CD59: variants seen among roughly 807,000 people sequenced by gnomAD.
The protein encoded by CD59 is CD59 molecule (CD59 blood group), also known as CD59 glycoprotein.
Under a neutral mutation model 7.0 loss-of-function variants are expected in CD59, and 3 were observed. The observed-to-expected ratio is 0.43, with a 90% CI of 0.19 to 1.10. CD59 has a LOEUF of 1.10. Ranked by LOEUF, CD59 falls within the 50% of genes least tolerant of loss-of-function variation. CD59 has a pLI of 0.29. For synonymous variants in CD59, 60 were observed against 62.0 expected, an observed-to-expected ratio of 0.97 and a Z score of 0.15; for missense variants, 143 against 151.0, an observed-to-expected ratio of 0.95 and a Z score of 0.28.
At chr11:33,721,497 TCCC>T (rs1350345364) in intron 2 of CD59, among the ~76,000 whole-genome samples, 3 of 151,912 alleles carry the variant, frequency 2.0e-5, no homozygotes, top group Non-Finnish European at 4.4e-5. Context: ...TCTTTTCTGC[TCCC>T]CCCACCAACC....
At chr11:33,722,261 G>A (rs751784058) in intron 2 of CD59, 118 bp downstream of exon 2, 5 of 777,634 alleles carry the variant, frequency 6.4e-6, no homozygotes, top group Non-Finnish European at 1.2e-5. Flanking sequence ...CTGTAACACT[G>A]GAAGGCAAAA....
At chr11:33,713,395 C>A (rs754020796) in intron 3 of CD59, among the ~76,000 whole-genome samples, 1 of 152,222 alleles carries the variant, frequency 6.6e-6, no homozygotes, top group Non-Finnish European at 1.5e-5. Context: ...CCATGCAGAG[C>A]TTGGAACACA....
Position 33,722,398 on chromosome 11 carries a change from C to T in CD59, c.48G>A (p.Leu16=), listed in dbSNP as rs1352680154. Residue 16 remains leucine, a synonymous_variant, in exon 2 of 4, where the codon CTG becomes CTA. Transcript: ENST00000642928. ...GSVLFGLLLV[L]AVFCHSGHSL... is the part of the protein sequence containing the mutation. ...ACTCACCTGAATGGCAGAAGACAGC[C>T]AGGACGAGCAGCAGCCCGAACAGGA... The T allele has an allele frequency of 6.2e-7, 1 of 1,613,916 alleles. No homozygotes were observed. Among genetic ancestry groups the T allele is most frequent in the Non-Finnish European group, 8.5e-7 (1 of 1,179,788 alleles).
chr11:33,726,455 C>G (rs1230292266), intron 1 of CD59, among the ~76,000 whole-genome samples: 1 of 152,120 alleles, frequency 6.6e-6, no homozygotes, highest in Admixed American at 6.6e-5. Flanking sequence ...TGAAGGCAGA[C>G]ATAAAGATGT....
chr11:33,722,387 C>G lies in CD59; in HGVS notation c.59G>C (p.Cys20Ser). Residue 20 changes from cysteine to serine, a missense_variant, in exon 2 of 4, where the codon TGC becomes TCC. Transcript: ENST00000642928. Reference protein sequence around the residue: ...FGLLLVLAVFCHSGHSLQCYN... With the variant: ...FGLLLVLAVFSHSGHSLQCYN... ...GAGACTGGAGCACTCACCTGAATGG[C>G]AGAAGACAGCCAGGACGAGCAGCAG... The G allele has an allele frequency of 6.2e-7, 1 of 1,612,976 alleles. No homozygotes were observed. The highest frequency in any genetic ancestry group is 8.5e-7 in the Non-Finnish European group (1 of 1,178,956).
chr11:33,717,533 A>C (rs1702136264), intron 2 of CD59, 62 bp from the exon 3 acceptor site: 2 of 1,039,932 alleles, frequency 1.9e-6, no homozygotes, highest in South Asian at 2.6e-5. Flanking sequence ...CTGGCAGCCC[A>C]CCATCTCCAT....
rs556969641 is a variant in CD59, at chr11:33,722,992, G to C, written c.-18-529C>G. ...GCTCTCTTTGGGGACATGAAGAGAG[G>C]TATTGAGCAACTTTGTAAGTTTCCA... On this transcript the variant is annotated intron_variant, in intron 1 of 3. Transcript: ENST00000642928. The C allele has an allele frequency of 8.8e-6, 9 of 1,020,624 alleles. No individual in the cohort carries two copies. In the East Asian group the frequency reaches 7.6e-4, roughly 86 times the overall value. The allele number at this position is 1,020,624 out of a possible 1,614,324, so 63.2% of individuals were successfully genotyped here.
At chr11:33,721,352 G>A (rs904592165) in intron 2 of CD59, among the ~76,000 whole-genome samples, 13 of 152,250 alleles carry the variant, frequency 8.5e-5, no homozygotes, top group African/African-American at 1.9e-4. Flanking sequence ...ATGGCTGGAC[G>A]GATTTAAATG....
intron 1 of CD59, among the ~76,000 whole-genome samples, chr11:33,724,470 C>T (rs760828881): frequency 1.3e-5 from 2 of 152,220 alleles, no homozygotes; most frequent in African/African-American, 4.8e-5. Context: ...CCTCTGATCA[C>T]GCTTTGGCTA....
chr11:33,710,176 G>T lies in CD59; in HGVS notation c.337C>A (p.Leu113Ile). 1 of 1,614,032 alleles carries T rather than the reference G, an allele frequency of 6.2e-7. No homozygotes were observed. The highest frequency in any genetic ancestry group is 8.5e-7 in the Non-Finnish European group (1 of 1,179,972). Residue 113 changes from leucine (L) to isoleucine (I), a missense_variant, in exon 4 of 4, where the codon CTT becomes ATT. Leu to Ile is a conservative substitution (Grantham distance 5). Transcript: ENST00000642928. The stretch of plus-strand genomic sequence containing the variant: ...GCCAGAAATGGAGTCACCAGCAGAA[G>T]AACTGTTTTCTCTGATAAGGATGTC... ...GGTSLSEKTV[L>I]LLVTPFLAAA...
chr11:33,709,867 A>G lies in CD59; in HGVS notation c.*259T>C, dbSNP rs1853462047. The G allele has an allele frequency of 1.7e-6, 1 of 576,196 alleles. No homozygotes were observed. Among genetic ancestry groups the G allele is most frequent in the Non-Finnish European group, 3.1e-6 (1 of 323,466 alleles). 35.7% of individuals were successfully genotyped at this position (576,196 alleles called of 1,614,324 possible). ...CTGCAAAGCTGGTCTTCCCAAGAGCAAAGGAGGAAGCATGCAATCTAGTTC... is the reference window on the plus strand; with the variant it reads ...CTGCAAAGCTGGTCTTCCCAAGAGCGAAGGAGGAAGCATGCAATCTAGTTC... On this transcript the variant is annotated 3_prime_UTR_variant, in exon 4 of 4. Coordinates refer to ENST00000642928, the MANE Select transcript of CD59 (RefSeq NM_000611.6).
chr11:33,722,564 C>T (rs1320041919), intron 1 of CD59, 101 bp from the exon 2 acceptor site: 6 of 1,543,804 alleles, frequency 3.9e-6, no homozygotes, highest in Non-Finnish European at 4.4e-6. Context: ...CTGAGAGGAA[C>T]ATTTACAGGG....
At chr11:33,719,194 C>T (rs1853938102) in intron 2 of CD59, 1 of 152,250 alleles carries the variant, frequency 6.6e-6, no homozygotes, top group Non-Finnish European at 1.5e-5. Flanking sequence ...TCTGAGCACA[C>T]ACAGGAACCC....
chr11:33,719,955 T>G (rs1333080064), intron 2 of CD59, among the ~76,000 whole-genome samples: 1 of 152,248 alleles, frequency 6.6e-6, no homozygotes, highest in Non-Finnish European at 1.5e-5. Flanking sequence ...AAGGGTGTTG[T>G]TCTTGAGACT....
intron 2 of CD59, chr11:33,718,515 C>T (rs1213427539): frequency 2.6e-5 from 4 of 151,806 alleles, no homozygotes; most frequent in African/African-American, 9.7e-5. Context: ...TGGTCCTGTA[C>T]AGAAAAAGTT....
chr11:33,723,560 T>C (rs79232565), intron 1 of CD59, among the ~76,000 whole-genome samples: 1,815 of 152,280 alleles, frequency 0.012, 17 homozygotes, highest in African/African-American at 0.018. Flanking sequence ...GGTTTTATGA[T>C]ATGTGAGGAA....
intron 1 of CD59, among the ~76,000 whole-genome samples, chr11:33,724,350 C>T (rs146200142): frequency 1.3e-5 from 2 of 152,326 alleles, no homozygotes; most frequent in Non-Finnish European, 2.9e-5. Flanking sequence ...GCTAAGAAAG[C>T]AGGAAGAACA....
chr11:33,711,221 C>G (rs1304231207), intron 3 of CD59, among the ~76,000 whole-genome samples: 1 of 152,152 alleles, frequency 6.6e-6, no homozygotes, highest in Non-Finnish European at 1.5e-5. Flanking sequence ...AATCCCAACA[C>G]TTTGGGAGGC....
Position 33,723,355 on chromosome 11 carries a change from G to A in CD59, c.-18-892C>T, listed in dbSNP as rs115924845. Among the ~76,000 whole-genome samples the A allele has an allele frequency of 1.9e-3, 282 of 152,302 alleles. 3 individuals carry two copies. The highest frequency in any genetic ancestry group is 6.4e-3 in the African/African-American group (268 of 41,560). On this transcript the variant is annotated intron_variant, in intron 1 of 3. Transcript: ENST00000642928. The stretch of plus-strand genomic sequence containing the variant: ...GAAATGCAGAGTTCCCTGGGGAACT[G>A]ACAATCCTGACAATCATTCCTGTCC...
Sources: allele counts gnomAD v4.1 joint callset (sites outside exome capture counted in the v4.1 genomes callset), GRCh38; gene constraint gnomAD v4.1.1; transcripts MANE v1.5; gene names NCBI Gene and HGNC (gene_info 2026-07-23, HGNC 2026-07-21).